The following PPP3CA variants were observed in gnomAD, a reference collection of about 807,000 sequenced individuals.
The protein encoded by PPP3CA is CAM-PRP catalytic subunit.
A neutral mutation model predicts 66.5 loss-of-function variants in PPP3CA; 14 were observed. The ratio of observed to expected loss-of-function variants is 0.21; its 90% confidence interval spans 0.14 to 0.33. PPP3CA has a LOEUF of 0.33. PPP3CA is among the 10% of genes least tolerant of loss of function. The probability of loss-of-function intolerance (pLI) is 1.00; values close to 1 mark genes in which losing one functional copy is unlikely to be tolerated. For missense variants in PPP3CA, 317 were observed against 639.5 expected (o/e 0.50, Z 5.44); for synonymous variants, 232 against 226.2 (o/e 1.03, Z -0.23).
intron 1 of PPP3CA, among the ~76,000 whole-genome samples, chr4:101,280,956 A>T (rs924257942): frequency 1.3e-5 from 2 of 152,098 alleles, no homozygotes; most frequent in African/African-American, 4.8e-5. Context: ...GGAGAAACAA[A>T]GAAGAAATAG....
chr4:101,235,602 T>C (rs1030032500), intron 1 of PPP3CA, among the ~76,000 whole-genome samples: 4 of 151,872 alleles, frequency 2.6e-5, no homozygotes, highest in African/African-American at 9.7e-5. Context: ...TGTTTCTCTA[T>C]AACCGTAAAA....
intron 2 of PPP3CA, among the ~76,000 whole-genome samples, chr4:101,118,951 TAC>T (rs1721933994): frequency 6.8e-6 from 1 of 146,694 alleles, no homozygotes; most frequent in African/African-American, 2.6e-5. Context: ...ACTCAGAACT[TAC>T]AGATTTTTTT....
chr4:101,031,089 C>G (rs1376550652), intron 12 of PPP3CA, among the ~76,000 whole-genome samples: 1 of 151,602 alleles, frequency 6.6e-6, no homozygotes, highest in East Asian at 1.9e-4. Context: ...TCAAAAGACA[C>G]TGATTCGGAA....
chr4:101,072,434 A>G (rs1728957101), intron 8 of PPP3CA, among the ~76,000 whole-genome samples: 1 of 152,156 alleles, frequency 6.6e-6, no homozygotes, highest in South Asian at 2.1e-4. Context: ...GCTGAGTTTC[A>G]ATCTCAGTGC....
chr4:101,251,866 T>C (rs1182253268), intron 1 of PPP3CA, among the ~76,000 whole-genome samples: 1 of 152,122 alleles, frequency 6.6e-6, no homozygotes, highest in Non-Finnish European at 1.5e-5. Flanking sequence ...CAAGAACATA[T>C]GTAGATACCA....
Position 101,048,202 on chromosome 4 carries a change from G to A in PPP3CA, c.1157-7636C>T, listed in dbSNP as rs115064954. 5.7e-3 allele frequency among the ~76,000 whole-genome samples: 863 copies of A among 152,222 alleles called. 5 individuals carry two copies. The highest frequency in any genetic ancestry group is 9.5e-3 in the Non-Finnish European group (643 of 67,994). On this transcript the variant is annotated intron_variant, in intron 10 of 13. Transcript: ENST00000394854. ...GAGGAGGCGGGAAAGGAGAAGCTGC[G>A]ATAAGGCCTCCAGCCAAGGTGCCTT...
At chr4:101,255,587 AAATT>A (rs1578599909) in intron 1 of PPP3CA, among the ~76,000 whole-genome samples, 1 of 152,028 alleles carries the variant, frequency 6.6e-6, no homozygotes, top group Middle Eastern at 3.4e-3. Context: ...TTTTATTTTA[AAATT>A]AATAAAAACA....
At chr4:101,027,105 A>G (rs1383651463) in intron 13 of PPP3CA, among the ~76,000 whole-genome samples, 1 of 152,118 alleles carries the variant, frequency 6.6e-6, no homozygotes, top group Non-Finnish European at 1.5e-5. Flanking sequence ...AATAAAACAC[A>G]TAAATGGGGA....
chr4:101,102,875 G>A (rs1021314723), intron 3 of PPP3CA, among the ~76,000 whole-genome samples: 1 of 152,320 alleles, frequency 6.6e-6, no homozygotes, highest in South Asian at 2.1e-4. Flanking sequence ...TCTGCATGGT[G>A]AGATGTAAAT....
chr4:101,195,926 C>A lies in PPP3CA; in HGVS notation c.249G>T (p.Ala83=), dbSNP rs3730251. The A allele has an allele frequency of 6.2e-6, 10 of 1,613,508 alleles. No homozygotes were observed. Among genetic ancestry groups the A allele is most frequent in the Admixed American group, 1.7e-5 (1 of 59,984 alleles). Residue 83 remains alanine, a synonymous_variant, in exon 2 of 14, where the codon GCG becomes GCT. Coordinates refer to ENST00000394854, the MANE Select transcript of PPP3CA (RefSeq NM_000944.5). ...CTCCTCAGGACTTACCAGTGACTGG[C>A]GCATCAATATCCAGCAAATTTTTTT... is the stretch of plus-strand genomic sequence containing the variant. ...RQEKNLLDID[A]PVTVCGDIHG...
intron 2 of PPP3CA, among the ~76,000 whole-genome samples, chr4:101,191,446 G>T (rs927589407): frequency 6.6e-6 from 1 of 152,186 alleles, no homozygotes; most frequent in Non-Finnish European, 1.5e-5. Context: ...TCAAAATGAT[G>T]TGTGGCTGCC....
intron 2 of PPP3CA, among the ~76,000 whole-genome samples, chr4:101,121,917 T>C (rs2110273891): frequency 6.6e-6 from 1 of 152,092 alleles, no homozygotes. Flanking sequence ...CGTTTGACCA[T>C]GGACTTTTCT....
intron 1 of PPP3CA, among the ~76,000 whole-genome samples, chr4:101,312,020 T>C (rs1470061468): frequency 6.6e-6 from 1 of 152,218 alleles, no homozygotes; most frequent in Non-Finnish European, 1.5e-5. Context: ...CTAATGATAA[T>C]AGTTGACATT....
chr4:101,101,498 A>T (rs1730440277), intron 3 of PPP3CA, among the ~76,000 whole-genome samples: 1 of 152,314 alleles, frequency 6.6e-6, no homozygotes, highest in East Asian at 1.9e-4. Flanking sequence ...TAGGATGTCT[A>T]GTTTGGAATA....
intron 2 of PPP3CA, among the ~76,000 whole-genome samples, chr4:101,126,251 T>C (rs1722243519): frequency 6.6e-6 from 1 of 152,180 alleles, no homozygotes; most frequent in African/African-American, 2.4e-5. Flanking sequence ...ATGACTCATG[T>C]CTCTGAATAT....
chr4:101,046,341 G>A (rs2110214641), intron 10 of PPP3CA, among the ~76,000 whole-genome samples: 1 of 152,126 alleles, frequency 6.6e-6, no homozygotes, highest in African/African-American at 2.4e-5. Flanking sequence ...TTTAAAAATT[G>A]TTATTGTTAT....
At chr4:101,190,456 C>T (rs907334970) in intron 2 of PPP3CA, among the ~76,000 whole-genome samples, 3 of 152,100 alleles carry the variant, frequency 2.0e-5, no homozygotes, top group Admixed American at 2.0e-4. Flanking sequence ...GTAACCATGA[C>T]GTAATTGTAA....
chr4:101,335,271 C>T (rs764213803), intron 1 of PPP3CA, among the ~76,000 whole-genome samples: 15 of 151,562 alleles, frequency 9.9e-5, no homozygotes, highest in Admixed American at 2.0e-4. Flanking sequence ...AATTCAATGG[C>T]GTTAGGAGCA....
At chr4:101,198,606 G>A (rs1456116979) in intron 1 of PPP3CA, among the ~76,000 whole-genome samples, 1 of 152,160 alleles carries the variant, frequency 6.6e-6, no homozygotes, top group Non-Finnish European at 1.5e-5. Flanking sequence ...ACATGCACTT[G>A]CTGGCCTGAT....
Sources: gnomAD v4.1 joint callset for allele counts (sites outside exome capture counted in the v4.1 genomes callset) on GRCh38, gnomAD v4.1.1 for gene constraint, MANE v1.5 for transcripts, NCBI Gene and HGNC (gene_info 2026-07-23, HGNC 2026-07-21) for gene names.